LRRC2: variants seen among roughly 807,000 people sequenced by gnomAD.
The protein encoded by LRRC2 is leucine rich repeat containing 2, also known as leucine-rich repeat-containing protein 2.
A neutral mutation model predicts 40.2 loss-of-function variants in LRRC2; 27 were observed. The observed-to-expected ratio is 0.67, with a 90% confidence interval of 0.49 to 0.93. LRRC2 has a LOEUF of 0.93. Among genes scored for constraint, LRRC2 ranks in the 40% least tolerant of loss-of-function variants. The pLI is 0.00. For synonymous variants in LRRC2, 147 were observed against 158.9 expected, an observed-to-expected ratio of 0.92 and a Z score of 0.56; for missense variants, 402 against 439.6, an observed-to-expected ratio of 0.91 and a Z score of 0.76.
At chr3:46,528,181 T>C in intron 6 of LRRC2, among the ~76,000 whole-genome samples, 1 of 152,212 alleles carries the variant, frequency 6.6e-6, no homozygotes, top group East Asian at 1.9e-4. Flanking sequence ...CATCAGTATG[T>C]CCCTTCCGAG....
At chr3:46,561,624 C>T (rs962626229) in intron 1 of LRRC2, among the ~76,000 whole-genome samples, 9 of 152,170 alleles carry the variant, frequency 5.9e-5, no homozygotes, top group African/African-American at 1.2e-4. Flanking sequence ...GCCCCAGTAT[C>T]ACCCAGACAG....
chr3:46,536,396 C>A (rs1260709077), intron 4 of LRRC2, among the ~76,000 whole-genome samples: 3 of 152,130 alleles, frequency 2.0e-5, no homozygotes, highest in Non-Finnish European at 2.9e-5. Flanking sequence ...GTGTTTATTG[C>A]CTTATCTAAT....
chr3:46,552,311 A>T (rs1378950977), intron 1 of LRRC2, among the ~76,000 whole-genome samples: 5 of 151,982 alleles, frequency 3.3e-5, no homozygotes, highest in Admixed American at 2.0e-4. Flanking sequence ...ACACGCAGGC[A>T]GGCACGCACA....
At chr3:46,543,803 A>G (rs1424965872) in intron 3 of LRRC2, among the ~76,000 whole-genome samples, 1 of 152,162 alleles carries the variant, frequency 6.6e-6, no homozygotes, top group African/African-American at 2.4e-5. Flanking sequence ...TTAACAATCC[A>G]GACATGCCTC....
chr3:46,526,805 G>A (rs564306082), intron 7 of LRRC2, among the ~76,000 whole-genome samples: 52 of 152,354 alleles, frequency 3.4e-4, no homozygotes, highest in African/African-American at 1.1e-3. Flanking sequence ...GAGCAGCCTC[G>A]TGTGAATAAT....
chr3:46,522,557 T>C (rs954617122), intron 7 of LRRC2, among the ~76,000 whole-genome samples: 1 of 149,834 alleles, frequency 6.7e-6, no homozygotes, highest in African/African-American at 2.5e-5. Context: ...ACAAGAAATA[T>C]AAAAGATTAG....
At chr3:46,562,727 ACTT>A (rs966765472) in intron 1 of LRRC2, among the ~76,000 whole-genome samples, 7 of 142,386 alleles carry the variant, frequency 4.9e-5, no homozygotes, top group Admixed American at 2.9e-4. Context: ...TCTAGAAGTT[ACTT>A]CTTTTTTTTT....
intron 4 of LRRC2, among the ~76,000 whole-genome samples, chr3:46,535,771 G>C (rs1340096005): frequency 6.6e-6 from 1 of 152,038 alleles, no homozygotes; most frequent in Admixed American, 6.6e-5. Flanking sequence ...TAGATGTTCT[G>C]ATACTGAAAA....
intron 1 of LRRC2, among the ~76,000 whole-genome samples, chr3:46,555,453 T>C (rs7636001): frequency 0.011 from 1,681 of 152,274 alleles, 32 homozygotes; most frequent in African/African-American, 0.037. Context: ...TGCCTTCTTT[T>C]CTCTGAACAT....
chr3:46,523,982 C>T (rs1704011709), intron 7 of LRRC2, among the ~76,000 whole-genome samples: 1 of 152,160 alleles, frequency 6.6e-6, no homozygotes, highest in African/African-American at 2.4e-5. Flanking sequence ...AATCACATCT[C>T]ACTTTTCTTT....
At chr3:46,555,526 T>C (rs1575361511) in intron 1 of LRRC2, among the ~76,000 whole-genome samples, 1 of 152,300 alleles carries the variant, frequency 6.6e-6, no homozygotes, top group Non-Finnish European at 1.5e-5. Flanking sequence ...GGGTAGTTTT[T>C]TTCTCTTGTT....
intron 4 of LRRC2, among the ~76,000 whole-genome samples, chr3:46,534,414 TC>T (rs1392517062): frequency 2.5e-5 from 2 of 79,578 alleles, no homozygotes; most frequent in Non-Finnish European, 3.0e-5. Flanking sequence ...TCTTTTCTTT[TC>T]CTTCCTTCCT....
chr3:46,536,704 A>C lies in LRRC2; in HGVS notation c.490+2341T>G, dbSNP rs146167490. 6.4e-3 allele frequency among the ~76,000 whole-genome samples: 982 copies of C among 152,306 alleles called. 13 individuals are homozygous for C. Among genetic ancestry groups the C allele is most frequent in the African/African-American group, 0.022 (914 of 41,572 alleles). ...GGTCTGCAGTGGATCTTGGGCGTTT[A>C]GATTTTTAAGGCTTTTTGGGGGATT... On this transcript the variant is annotated intron_variant, in intron 4 of 8. Coordinates refer to ENST00000395905, the MANE Select transcript of LRRC2 (RefSeq NM_024512.5).
Position 46,516,429 on chromosome 3 carries a change from A to G in LRRC2, c.*2585T>C, listed in dbSNP as rs1419059067. ...GACAAAATATTGGGATGTCAATAATAACCTTTTTAAAAATGGCTGGTTCTT... is the reference window on the plus strand; with the variant it reads ...GACAAAATATTGGGATGTCAATAATGACCTTTTTAAAAATGGCTGGTTCTT... On this transcript the variant is annotated 3_prime_UTR_variant, in exon 9 of 9. Coordinates refer to ENST00000395905, the MANE Select transcript of LRRC2 (RefSeq NM_024512.5). 7 of 152,288 alleles carry G rather than the reference A, an allele frequency of 4.6e-5. No homozygotes were observed. In the East Asian group the frequency reaches 1.4e-3, roughly 29 times the overall value. 9.4% of individuals were successfully genotyped at this position (152,288 alleles called of 1,614,324 possible).
At chr3:46,532,956 C>A (rs1299946220) in intron 4 of LRRC2, 47 bp from the exon 5 acceptor site, 1 of 1,584,020 alleles carries the variant, frequency 6.3e-7, no homozygotes, top group South Asian at 1.2e-5. Flanking sequence ...CGTTTAAGGT[C>A]TTTTAAGAAC....
At chr3:46,523,184 C>A (rs1441184814) in intron 7 of LRRC2, among the ~76,000 whole-genome samples, 1 of 152,170 alleles carries the variant, frequency 6.6e-6, no homozygotes, top group Admixed American at 6.5e-5. Flanking sequence ...TGTTTATCAT[C>A]CTTCCCTATT....
In LRRC2 at chr3:46,539,073, G is replaced by GT. The variant is rs1371288582; in HGVS notation, c.461dup (p.Asn154LysfsTer37). On this transcript the variant is annotated frameshift_variant, in exon 4 of 9. Coordinates refer to ENST00000395905, the MANE Select transcript of LRRC2 (RefSeq NM_024512.5). LOFTEE classifies it high-confidence loss of function. ...TTTCTGCTGGAAGATGTGAGATTTG[G>GT]TTTTTTGGCAGATCCAGAATTCTCA... The GT allele has an allele frequency of 1.2e-6, 2 of 1,613,684 alleles. No homozygotes were observed. The highest frequency in any genetic ancestry group is 1.7e-6 in the Non-Finnish European group (2 of 1,179,914).
chr3:46,521,326 T>C (rs891801067), intron 8 of LRRC2, among the ~76,000 whole-genome samples, 196 bp downstream of exon 8: 2 of 152,224 alleles, frequency 1.3e-5, no homozygotes, highest in African/African-American at 4.8e-5. Flanking sequence ...AGCATTCAAA[T>C]GGACTAGCAC....
chr3:46,556,887 G>T (rs13353497), intron 1 of LRRC2, among the ~76,000 whole-genome samples: 64,504 of 151,954 alleles, frequency 0.42, 14,249 homozygotes, highest in East Asian at 0.78. Context: ...CCAGCCATTA[G>T]TTCTTGAACA....
Sources: gnomAD v4.1 joint callset for allele counts (sites outside exome capture counted in the v4.1 genomes callset) on GRCh38, gnomAD v4.1.1 for gene constraint, MANE v1.5 for transcripts, NCBI Gene and HGNC (gene_info 2026-07-23, HGNC 2026-07-21) for gene names.